Variants in OR51B5 observed in about 807,000 individuals in gnomAD.
OR51B5 encodes olfactory receptor family 51 subfamily B member 5, also known as olfactory receptor 51B5.
For missense variants in OR51B5, 456 were observed against 374.6 expected (o/e 1.22, Z -1.79); for synonymous variants, 186 against 144.8 (o/e 1.28, Z -2.04).
At chr11:5,349,961 A>G (rs1486251575) in intron 1 of OR51B5, among the ~76,000 whole-genome samples, 1 of 152,134 alleles carries the variant, frequency 6.6e-6, no homozygotes, top group Non-Finnish European at 1.5e-5. Context: ...TTTAAAGTCA[A>G]ACACAGGCTC....
At chr11:5,474,774 G>A (rs1321670873) in intron 1 of OR51B5, among the ~76,000 whole-genome samples, 1 of 152,160 alleles carries the variant, frequency 6.6e-6, no homozygotes, top group East Asian at 1.9e-4. Flanking sequence ...CGCTGAAGGA[G>A]GTGCTCAGGT....
chr11:5,448,355 GT>G (rs1368621781), intron 1 of OR51B5, among the ~76,000 whole-genome samples: 1 of 152,238 alleles, frequency 6.6e-6, no homozygotes, highest in Admixed American at 6.5e-5. Context: ...ACTGATAAAC[GT>G]ACCTTTCTGC....
intron 1 of OR51B5, chr11:5,430,779 G>A (rs1249486059): frequency 2.2e-6 from 1 of 457,160 alleles, no homozygotes; most frequent in African/African-American, 2.0e-5. Flanking sequence ...ACATAAGTGT[G>A]TGGACAATGG....
At chr11:5,382,012 C>G (rs1849615596) in intron 1 of OR51B5, among the ~76,000 whole-genome samples, 1 of 152,192 alleles carries the variant, frequency 6.6e-6, no homozygotes, top group Non-Finnish European at 1.5e-5. Context: ...GTTTCCAGTG[C>G]AGACTTTAAA....
intron 1 of OR51B5, among the ~76,000 whole-genome samples, chr11:5,368,095 TTTCTTTG>T (rs898605744): frequency 5.3e-5 from 8 of 152,176 alleles, no homozygotes; most frequent in African/African-American, 1.9e-4. Flanking sequence ...CAGAACTCTC[TTTCTTTG>T]TTTTTTCCTC....
chr11:5,454,475 T>TCAGTAGCA, intron 1 of OR51B5: 1 of 1,400,370 alleles, frequency 7.1e-7, no homozygotes, highest in Non-Finnish European at 9.8e-7. Context: ...TAGGCTCTCA[T>TCAGTAGCA]CAGTAGCATC....
chr11:5,342,558 C>T (rs1008152518), downstream of OR51B5: 1 of 1,544,162 alleles, frequency 6.5e-7, no homozygotes, highest in African/African-American at 1.4e-5. Context: ...TTTTTACATT[C>T]TGTGAGAGTG....
At chr11:5,412,076 C>G (rs981615734) in intron 1 of OR51B5, among the ~76,000 whole-genome samples, 1 of 152,204 alleles carries the variant, frequency 6.6e-6, no homozygotes, top group Admixed American at 6.5e-5. Flanking sequence ...CTGGTCACCA[C>G]AGAAAACTAA....
intron 1 of OR51B5, among the ~76,000 whole-genome samples, chr11:5,353,009 G>C (rs1484073124): frequency 6.6e-6 from 1 of 151,460 alleles, no homozygotes. Flanking sequence ...TATTAGTCCT[G>C]TTATACATAG....
At chr11:5,415,808 C>T (rs1850234546) in intron 1 of OR51B5, among the ~76,000 whole-genome samples, 1 of 152,036 alleles carries the variant, frequency 6.6e-6, no homozygotes, top group Non-Finnish European at 1.5e-5. Flanking sequence ...GAAAAGAGTC[C>T]AGAACCAGAT....
At chr11:5,446,280 T>C (rs1564816128) in intron 1 of OR51B5, among the ~76,000 whole-genome samples, 2 of 148,190 alleles carry the variant, frequency 1.3e-5, no homozygotes, top group Non-Finnish European at 1.5e-5. Context: ...AAAAAGAAAG[T>C]AGAATAACTC....
intron 1 of OR51B5, chr11:5,469,112 A>C: frequency 4.2e-6 from 1 of 236,474 alleles, no homozygotes; most frequent in South Asian, 5.4e-5. Context: ...GTGGATGAAG[A>C]ACGTCTGGGC....
chr11:5,454,418 C>T lies in OR51B5; in HGVS notation n.84+51151G>A, dbSNP rs774664460. On this transcript the variant is annotated intron_variant and non_coding_transcript_variant, in intron 1 of 4. Transcript: ENST00000415970. ...CCATTTTCCGCATGTTTCACCACAT[C>T]AAAATATGACTTTCACACTTGGCTT... 2.5e-6 allele frequency: 4 copies of T among 1,603,792 alleles called. No homozygotes were observed. The East Asian group carries it at 8.9e-5, about 36-fold the overall frequency.
chr11:5,458,401 G>A (rs1313268570), intron 1 of OR51B5, among the ~76,000 whole-genome samples: 2 of 152,006 alleles, frequency 1.3e-5, no homozygotes. Flanking sequence ...TGATGCCTCT[G>A]GTTTTGTTAT....
chr11:5,478,202 C>T (rs1032880849), intron 1 of OR51B5, among the ~76,000 whole-genome samples: 4 of 151,976 alleles, frequency 2.6e-5, no homozygotes, highest in East Asian at 1.9e-4. Flanking sequence ...GGTCCCTGAC[C>T]CCTGAACCCC....
chr11:5,369,314 T>C lies in OR51B5; in HGVS notation n.85-22404A>G, dbSNP rs139663618. On this transcript the variant is annotated intron_variant and non_coding_transcript_variant, in intron 1 of 4. Transcript: ENST00000415970. ...AAACAAAGTCACGGCTTAACAAATATTAATTAAAGTTATTATTACTAGTTA... is the reference window on the plus strand; with the variant it reads ...AAACAAAGTCACGGCTTAACAAATACTAATTAAAGTTATTATTACTAGTTA... Among the ~76,000 whole-genome samples the C allele has an allele frequency of 2.6e-5, 4 of 152,276 alleles. No homozygotes were observed. In the East Asian group the frequency reaches 7.7e-4, roughly 29 times the overall value.
intron 1 of OR51B5, among the ~76,000 whole-genome samples, chr11:5,394,961 AAAAG>A (rs1459304162): frequency 1.3e-5 from 2 of 152,216 alleles, no homozygotes; most frequent in Non-Finnish European, 2.9e-5. Context: ...CTGGGAAAAG[AAAAG>A]AAAGACAAAA....
At chr11:5,359,092 G>A (rs1672340342) in intron 1 of OR51B5, among the ~76,000 whole-genome samples, 1 of 152,144 alleles carries the variant, frequency 6.6e-6, no homozygotes, top group Non-Finnish European at 1.5e-5. Flanking sequence ...ACAAGACAGG[G>A]ATGCCCTCTC....
At chr11:5,464,249 G>A (rs901226302) in intron 1 of OR51B5, among the ~76,000 whole-genome samples, 1 of 152,178 alleles carries the variant, frequency 6.6e-6, no homozygotes, top group African/African-American at 2.4e-5. Context: ...TGCATTGGGT[G>A]ATTTTAACAC....
Sources: gnomAD v4.1 joint callset for allele counts (sites outside exome capture counted in the v4.1 genomes callset) on GRCh38, gnomAD v4.1.1 for gene constraint, MANE v1.5 for transcripts, NCBI Gene and HGNC (gene_info 2026-07-23, HGNC 2026-07-21) for gene names.